Variants in CLCNKA observed in about 807,000 individuals in gnomAD.
CLCNKA encodes chloride voltage-gated channel Ka.
CLCNKA carries 66 observed loss-of-function variants against 83.3 expected under a neutral mutation model. The observed-to-expected ratio is 0.79, with a 90% CI of 0.65 to 0.97. CLCNKA has a LOEUF of 0.97. Among genes scored for constraint, CLCNKA ranks in the 50% least tolerant of loss-of-function variants. The probability of loss-of-function intolerance (pLI) is 0.00; values close to 1 mark genes in which losing one functional copy is unlikely to be tolerated. For synonymous variants in CLCNKA, 357 were observed against 370.4 expected, an observed-to-expected ratio of 0.96 and a Z score of 0.42; for missense variants, 806 against 888.7, an observed-to-expected ratio of 0.91 and a Z score of 1.18.
rs1319642760 is a variant in CLCNKA, at chr1:16,026,685, C to T, written c.577-12C>T. 3 of 1,613,660 alleles carry T rather than the reference C, an allele frequency of 1.9e-6. No homozygotes were observed. The highest frequency in any genetic ancestry group is 2.5e-6 in the Non-Finnish European group (3 of 1,179,832). The stretch of plus-strand genomic sequence containing the variant: ...GGGGGCTGACTCTGAGCCCTGGACT[C>T]GGATCCCCCAGAACAAGAGCAAGCA... On this transcript the variant is annotated splice_polypyrimidine_tract_variant and intron_variant, in intron 6 of 19. Coordinates refer to ENST00000331433, the MANE Select transcript of CLCNKA (RefSeq NM_004070.4).
At chr1:16,024,052 C>A in intron 3 of CLCNKA, 124 bp downstream of exon 3, 1 of 1,186,286 alleles carries the variant, frequency 8.4e-7, no homozygotes, top group Non-Finnish European at 1.2e-6. Context: ...GGCTCTGGCT[C>A]TACTCCTGAT....
chr1:16,024,638 C>T, intron 3 of CLCNKA, 125 bp from the exon 4 acceptor site: 1 of 1,323,900 alleles, frequency 7.6e-7, no homozygotes, highest in Admixed American at 2.0e-5. Context: ...GTCTGCACCT[C>T]ACTCTGTGGC....
chr1:16,027,815 C>A lies in CLCNKA; in HGVS notation c.782-6C>A, dbSNP rs1464554843. 1 of 1,608,124 alleles carries A rather than the reference C, an allele frequency of 6.2e-7. No homozygotes were observed. The highest frequency in any genetic ancestry group is 8.5e-7 in the Non-Finnish European group (1 of 1,176,966). On this transcript the variant is annotated splice_polypyrimidine_tract_variant and splice_region_variant and intron_variant, in intron 8 of 19. Transcript: ENST00000331433. ...ATCTTGGCTCCCCACTGCCCTCCTT[C>A]CCCAGAGACCATCACCTCCCTCTAC...
rs1225704947 is a variant in CLCNKA at position 16,029,799 on chromosome 1, T to C, written c.1296T>C (p.Leu432=). 4 of 1,613,974 alleles carry C rather than the reference T, an allele frequency of 2.5e-6. No homozygotes were observed. The highest frequency in any genetic ancestry group is 1.3e-5 in the African/African-American group (1 of 74,904). The stretch of plus-strand genomic sequence containing the variant: ...GGTACTTCATGCCCATCTTTATCCT[T>C]GGTGAGTCTGGGGTCCTGAGGTTCT... The part of the protein sequence containing the change: ...PAGYFMPIFI[L]GAAIGRLLGE... Residue 432 remains leucine (L), a splice_region_variant and synonymous_variant, in exon 13 of 20, where the codon CTT becomes CTC. Coordinates refer to ENST00000331433, the MANE Select transcript of CLCNKA (RefSeq NM_004070.4).
intron 4 of CLCNKA, 137 bp downstream of exon 4, chr1:16,025,028 A>T (rs2022293717): frequency 8.4e-6 from 10 of 1,192,062 alleles, no homozygotes; most frequent in Non-Finnish European, 1.2e-5. Context: ...CTGAAGGCAC[A>T]CAGCAAGAAG....
chr1:16,024,941 T>A (rs761628444), intron 4 of CLCNKA, 50 bp downstream of exon 4: 1 of 1,609,182 alleles, frequency 6.2e-7, no homozygotes. Context: ...CCTTCTCAGA[T>A]CCCAGGGGGC....
chr1:16,028,236 G>A (rs1175732354), intron 10 of CLCNKA, 117 bp downstream of exon 10: 39 of 949,560 alleles, frequency 4.1e-5, no homozygotes, highest in Admixed American at 1.8e-4. Context: ...TCCCTAGCCC[G>A]TGGAGCATCT....
In CLCNKA at chr1:16,030,420, C is replaced by G. The variant is rs12729991; in HGVS notation, c.1409-41C>G. Reference sequence around the variant, plus strand: ...TTCCCTCACATCAGGCTGGCCCCTGCCTCCTGGCCTGAGCCGACCTGTGTG... The same window carrying G: ...TTCCCTCACATCAGGCTGGCCCCTGGCTCCTGGCCTGAGCCGACCTGTGTG... On this transcript the variant is annotated intron_variant, in intron 14 of 19. Transcript: ENST00000331433. 148,075 of 1,608,648 alleles carry G rather than the reference C, an allele frequency of 0.092. 7,537 individuals carry two copies. Among genetic ancestry groups the G allele is most frequent in the Non-Finnish European group, 0.1 (119,609 of 1,177,850 alleles).
At chr1:16,032,760 T>C (rs1450141053) in intron 18 of CLCNKA, among the ~76,000 whole-genome samples, 2 of 152,196 alleles carry the variant, frequency 1.3e-5, no homozygotes, top group African/African-American at 4.8e-5. Flanking sequence ...AGTCTCTGGG[T>C]GGAGAAAGAC....
At chr1:16,030,347 G>T (rs2022573430) in intron 14 of CLCNKA, 114 bp from the exon 15 acceptor site, 1 of 1,318,682 alleles carries the variant, frequency 7.6e-7, no homozygotes, top group Admixed American at 1.9e-5. Flanking sequence ...CCAGGCTGTG[G>T]CCTCTTACAA....
intron 15 of CLCNKA, among the ~76,000 whole-genome samples, chr1:16,031,016 G>T (rs922401190): frequency 6.6e-6 from 1 of 152,170 alleles, no homozygotes; most frequent in African/African-American, 2.4e-5. Context: ...AGATCCGAGA[G>T]GTCTCCTCCC....
rs780276412 is a variant in CLCNKA, at chr1:16,028,014, G to T, written c.867-4G>T. 7.4e-6 allele frequency: 12 copies of T among 1,613,666 alleles called. No individual in the cohort carries two copies. Among genetic ancestry groups the T allele is most frequent in the Non-Finnish European group, 9.3e-6 (11 of 1,179,886 alleles). ...CTCTGGTCTTACCTCCCTTCACCCC[G>T]CAGTGGCATCTGCGGCGTCCTGAGC... On this transcript the variant is annotated splice_polypyrimidine_tract_variant and splice_region_variant and intron_variant, in intron 9 of 19. Coordinates refer to ENST00000331433, the MANE Select transcript of CLCNKA (RefSeq NM_004070.4).
rs565078202 is a variant in CLCNKA, at chr1:16,032,493, C to T, written c.1896C>T (p.Thr632=). 1 of 1,613,270 alleles carries T rather than the reference C, an allele frequency of 6.2e-7. No individual in the cohort carries two copies. The highest frequency in any genetic ancestry group is 2.2e-5 in the East Asian group (1 of 44,882). ...LARGCPTEPV[T]LTLFSETTLH... ...GGGGCTGCCCCACGGAACCAGTGAC[C>T]CTGACGCTATTCTCAGAGACCACCT... is the stretch of plus-strand genomic sequence containing the variant. Residue 632 remains threonine, a synonymous_variant, in exon 18 of 20, where the codon ACC becomes ACT. Transcript: ENST00000331433.
Position 16,030,568 on chromosome 1 carries a change from C to T in CLCNKA, c.1516C>T (p.Leu506=). 6.2e-7 allele frequency: 1 copy of T among 1,613,060 alleles called. No homozygotes were observed. Among genetic ancestry groups the T allele is most frequent in the Non-Finnish European group, 8.5e-7 (1 of 1,180,014 alleles). ...TGCACTGCCCGTGCTGATGGCGGTG[C>T]TGGCAGCCAACGCCATTGCACAGAG... The part of the protein sequence containing the change: ...VHALPVLMAV[L]AANAIAQSCQ... Residue 506 remains leucine, a synonymous_variant, in exon 15 of 20, where the codon CTG becomes TTG. Coordinates refer to ENST00000331433, the MANE Select transcript of CLCNKA (RefSeq NM_004070.4).
rs767616406 is a variant in CLCNKA, at chr1:16,033,242, G to A, written c.2002G>A (p.Val668Met). Residue 668 changes from valine (V) to methionine (M), a missense_variant, in exon 19 of 20, where the codon GTG (valine) becomes ATG (methionine). By Grantham distance (21) the Val-to-Met change is conservative (BLOSUM62 1). Transcript: ENST00000331433. ...ATCGCGGGGCAGAGCTGTGGGCTGC[G>A]TGTCCTGGGTGGAGGTACCAGGGTC... ...VTSRGRAVGC[V>M]SWVEMKKAIS... The A allele has an allele frequency of 2.8e-5, 46 of 1,614,070 alleles. No homozygotes were observed. Among genetic ancestry groups the A allele is most frequent in the East Asian group, 1.1e-4 (5 of 44,872 alleles).
chr1:16,026,058 G>C lies in CLCNKA; in HGVS notation c.359-50G>C, dbSNP rs1274924230. On this transcript the variant is annotated intron_variant, in intron 4 of 19. Transcript: ENST00000331433. ...CGTGAGCCACTGCGCCTGGCAGAGA[G>C]TTTTAATCTAGAGATTGTCCCCTGC... 5 of 1,611,416 alleles carry C rather than the reference G, an allele frequency of 3.1e-6. No homozygotes were observed. The African/African-American group carries it at 6.7e-5, about 22-fold the overall frequency.
intron 15 of CLCNKA, 58 bp from the exon 16 acceptor site, chr1:16,031,652 C>T: frequency 1.2e-6 from 2 of 1,612,486 alleles, no homozygotes; most frequent in Non-Finnish European, 8.5e-7. Context: ...GATCCCCTTG[C>T]TGGCCTGGGT....
At position 16,027,588 on chromosome 1, in the gene CLCNKA, A is replaced by G. The variant is rs1056849139; in HGVS notation, c.781+153A>G. Among the ~76,000 whole-genome samples the G allele has an allele frequency of 1.6e-3, 242 of 152,200 alleles. 3 individuals are homozygous for G. Among genetic ancestry groups the G allele is most frequent in the East Asian group, 2.5e-3 (13 of 5,170 alleles). On this transcript the variant is annotated intron_variant, in intron 8 of 19. Coordinates refer to ENST00000331433, the MANE Select transcript of CLCNKA (RefSeq NM_004070.4). ...TCCCACCTCCTTCAGGGAGGATGGAAGGGGCTGACCTGTGTTGAGCCCCTG... is the reference window on the plus strand; with the variant it reads ...TCCCACCTCCTTCAGGGAGGATGGAGGGGGCTGACCTGTGTTGAGCCCCTG...
At position 16,028,106 on chromosome 1, in the gene CLCNKA, C is replaced by T. The variant is rs757133087; in HGVS notation, c.955C>T (p.Leu319=). 1.3e-6 allele frequency: 2 copies of T among 1,557,574 alleles called. No homozygotes were observed. The highest frequency in any genetic ancestry group is 2.2e-5 in the South Asian group (2 of 90,538). Reference sequence around the variant, plus strand: ...CAAGACCAATCGGTACAGCTCCAAACTGCTGGCTACTAGGTAGGCTCTGGG... The same window carrying T: ...CAAGACCAATCGGTACAGCTCCAAATTGCTGGCTACTAGGTAGGCTCTGGG... The part of the protein sequence containing the change: ...FIKTNRYSSK[L]LATSKPVYSA... The change falls in exon 10 of 20, where the codon CTG becomes TTG. Residue 319 remains leucine (L), a synonymous_variant. Coordinates refer to ENST00000331433, the MANE Select transcript of CLCNKA (RefSeq NM_004070.4).
Sources: allele counts gnomAD v4.1 joint callset (sites outside exome capture counted in the v4.1 genomes callset), GRCh38; gene constraint gnomAD v4.1.1; transcripts MANE v1.5; gene names NCBI Gene and HGNC (gene_info 2026-07-23, HGNC 2026-07-21).